Variants in ZFHX3 observed in about 807,000 individuals in gnomAD.
ZFHX3 encodes zinc finger homeobox protein 3.
In ZFHX3, 42 loss-of-function variants were observed where a neutral mutation model predicts 279.1. That is an observed-to-expected ratio of 0.15 (90% CI 0.12 to 0.19). The LOEUF is 0.19. Among genes scored for constraint, ZFHX3 ranks in the 10% least tolerant of loss-of-function variants. The pLI is 1.00. For synonymous variants in ZFHX3, 2,293 were observed against 1,957.8 expected (o/e 1.17, Z -4.52); for missense variants, 4,981 against 4,754.0 (o/e 1.05, Z -1.40).
chr16:72,994,086 C>G (rs1312719126), intron 1 of ZFHX3, among the ~76,000 whole-genome samples: 1 of 152,206 alleles, frequency 6.6e-6, no homozygotes, highest in Non-Finnish European at 1.5e-5. Context: ...CTTCTGTTCC[C>G]TATCACTTAA....
At chr16:73,304,077 G>A (rs1414460644) in intron 4 of ZFHX3, among the ~76,000 whole-genome samples, 1 of 151,798 alleles carries the variant, frequency 6.6e-6, no homozygotes. Context: ...ACTGATTCTG[G>A]AAGAGAGGAA....
chr16:73,803,514 T>C (rs1270510016), intron 1 of ZFHX3, among the ~76,000 whole-genome samples: 1 of 152,178 alleles, frequency 6.6e-6, no homozygotes, highest in African/African-American at 2.4e-5. Context: ...GACATGATAA[T>C]CACATTTATG....
chr16:73,868,722 C>G lies in ZFHX3; in HGVS notation c.-1608+22929G>C, dbSNP rs186805662. ...AAATTTTTTCACTTAAATGTAAAGG[C>G]TATCCCAGTGCAAAATTACTAAGTG... On this transcript the variant is annotated intron_variant, in intron 1 of 17. Transcript: ENST00000641206. Among the ~76,000 whole-genome samples the G allele has an allele frequency of 2.2e-3, 339 of 152,234 alleles. 1 individual carries two copies. Among genetic ancestry groups the G allele is most frequent in the African/African-American group, 7.7e-3 (321 of 41,548 alleles).
intron 3 of ZFHX3, among the ~76,000 whole-genome samples, chr16:73,355,524 G>C (rs1173023628): frequency 1.3e-5 from 2 of 152,160 alleles, no homozygotes; most frequent in African/African-American, 4.8e-5. Flanking sequence ...TAAAGAGCAG[G>C]GCAGGAGCTG....
intron 3 of ZFHX3, among the ~76,000 whole-genome samples, chr16:73,368,587 G>T (rs1235938085): frequency 1.3e-5 from 2 of 152,214 alleles, no homozygotes; most frequent in East Asian, 3.8e-4. Context: ...CATAAGAAGT[G>T]TCACTTGAAT....
chr16:73,168,211 T>TCTTTC (rs1967422435), intron 5 of ZFHX3, among the ~76,000 whole-genome samples: 30 of 95,312 alleles, frequency 3.1e-4, no homozygotes, highest in Admixed American at 2.8e-3. Flanking sequence ...GTTTCTTTTG[T>TCTTTC]TTTCTTTCTT....
intron 2 of ZFHX3, among the ~76,000 whole-genome samples, chr16:73,551,875 T>C (rs529042690): frequency 6.6e-6 from 1 of 152,338 alleles, no homozygotes; most frequent in Non-Finnish European, 1.5e-5. Flanking sequence ...GTAACTTGTT[T>C]TCTTTCCATG....
chr16:72,977,554 T>G (rs1962402337), intron 1 of ZFHX3, among the ~76,000 whole-genome samples: 1 of 150,790 alleles, frequency 6.6e-6, no homozygotes, highest in South Asian at 2.1e-4. Context: ...GACTTTGAGT[T>G]GTTCCCCAAC....
At chr16:73,671,066 G>C (rs1013684872) in intron 2 of ZFHX3, among the ~76,000 whole-genome samples, 3 of 152,144 alleles carry the variant, frequency 2.0e-5, no homozygotes, top group Admixed American at 6.5e-5. Context: ...CATGATGGGT[G>C]GTCCTCACAA....
chr16:73,740,568 G>C (rs8058689), intron 1 of ZFHX3, among the ~76,000 whole-genome samples: 7,249 of 152,160 alleles, frequency 0.048, 605 homozygotes, highest in African/African-American at 0.17. Context: ...CCTTCAGCAA[G>C]ACATCATCCA....
rs1344924298 is a variant in ZFHX3 at position 73,370,856 on chromosome 16, A to G, written c.-1290-52520T>C. Among the ~76,000 whole-genome samples the G allele has an allele frequency of 2.6e-5, 4 of 152,194 alleles. No homozygotes were observed. In the South Asian group the frequency reaches 6.2e-4, roughly 24 times the overall value. The stretch of plus-strand genomic sequence containing the variant: ...TCCTTCACTTTCTCTTTTTCCAGTC[A>G]TCTCAGACATAATGGGTTCCTCCCT... On this transcript the variant is annotated intron_variant, in intron 3 of 17. Coordinates refer to the ZFHX3 transcript ENST00000641206.
intron 4 of ZFHX3, among the ~76,000 whole-genome samples, chr16:73,308,577 G>C (rs1246608581): frequency 7.9e-5 from 12 of 152,026 alleles, no homozygotes; most frequent in Non-Finnish European, 1.5e-5. Context: ...AAAGTGGTGA[G>C]ATTACAGGTG....
chr16:72,885,925 T>C (rs2038611130), intron 4 of ZFHX3, among the ~76,000 whole-genome samples: 1 of 152,112 alleles, frequency 6.6e-6, no homozygotes, highest in Non-Finnish European at 1.5e-5. Context: ...AGGATGACAT[T>C]TCTAGCTGAA....
intron 1 of ZFHX3, among the ~76,000 whole-genome samples, chr16:73,733,679 G>C (rs2053587140): frequency 6.6e-6 from 1 of 152,066 alleles, no homozygotes; most frequent in African/African-American, 2.4e-5. Context: ...CAATAAATGA[G>C]TCCTCTAAAT....
rs73602022 is a variant in ZFHX3 at position 73,768,590 on chromosome 16, C to G, written c.-1607-88350G>C. Among the ~76,000 whole-genome samples the G allele has an allele frequency of 5.2e-3, 785 of 152,294 alleles. 10 individuals carry two copies. The highest frequency in any genetic ancestry group is 0.018 in the African/African-American group (760 of 41,568). Reference sequence around the variant, plus strand: ...CTGAGATAAACATTCAAATCAATCTCTCTACAGATTGCCCATAACCTTGTT... The same window carrying G: ...CTGAGATAAACATTCAAATCAATCTGTCTACAGATTGCCCATAACCTTGTT... On this transcript the variant is annotated intron_variant, in intron 1 of 17. Coordinates refer to the ZFHX3 transcript ENST00000641206.
intron 2 of ZFHX3, among the ~76,000 whole-genome samples, chr16:73,482,854 T>C (rs924122061): frequency 1.3e-5 from 2 of 152,236 alleles, no homozygotes; most frequent in African/African-American, 4.8e-5. Context: ...CCTCACTTAT[T>C]CGCTTTAACA....
At chr16:73,848,242 T>A (rs930570865) in intron 1 of ZFHX3, among the ~76,000 whole-genome samples, 3 of 152,158 alleles carry the variant, frequency 2.0e-5, no homozygotes, top group South Asian at 4.1e-4. Context: ...GACACTAGAC[T>A]CCCTTAGGAG....
intron 1 of ZFHX3, among the ~76,000 whole-genome samples, chr16:73,771,356 G>A (rs2054015694): frequency 6.6e-6 from 1 of 152,110 alleles, no homozygotes; most frequent in African/African-American, 2.4e-5. Flanking sequence ...CCTGGTCCCT[G>A]ACTCAGCCTA....
intron 1 of ZFHX3, among the ~76,000 whole-genome samples, chr16:73,698,382 G>A (rs545365247): frequency 6.6e-6 from 1 of 152,108 alleles, no homozygotes; most frequent in African/African-American, 2.4e-5. Flanking sequence ...ATTGTTAGAG[G>A]TAAGGCCCAC....
Sources: allele counts gnomAD v4.1 joint callset (sites outside exome capture counted in the v4.1 genomes callset), GRCh38; gene constraint gnomAD v4.1.1; transcripts MANE v1.5; gene names NCBI Gene and HGNC (gene_info 2026-07-23, HGNC 2026-07-21).